Variants in SCAMP5 observed in about 807,000 individuals in gnomAD.
SCAMP5 encodes secretory carrier-associated membrane protein 5.
SCAMP5 carries 7 observed loss-of-function variants against 28.3 expected under a neutral mutation model. The ratio of observed to expected loss-of-function variants is 0.25; its 90% CI spans 0.14 to 0.46. SCAMP5 has a LOEUF of 0.46. Among genes scored for constraint, SCAMP5 ranks in the 20% least tolerant of loss-of-function variants. SCAMP5 has a pLI of 0.99. For missense variants in SCAMP5, 192 were observed against 312.5 expected (o/e 0.61, Z 2.91); for synonymous variants, 117 against 116.4 (o/e 1.00, Z -0.03).
In SCAMP5 at chr15:75,020,018, C is replaced by T; in HGVS notation, c.*1035C>T. 1 of 153,660 alleles carries T rather than the reference C, an allele frequency of 6.5e-6. No individual in the cohort carries two copies. Among genetic ancestry groups the T allele is most frequent in the Non-Finnish European group, 1.5e-5 (1 of 68,842 alleles). The allele number at this position is 153,660 out of a possible 1,614,324, so 9.5% of individuals were successfully genotyped here. A position where few individuals can be genotyped will look rare whatever the true frequency, so the allele number is the denominator to read the frequency against. On this transcript the variant is annotated 3_prime_UTR_variant, in exon 7 of 7. Coordinates refer to ENST00000425597, the MANE Select transcript of SCAMP5 (RefSeq NM_138967.4). ...GCTTGATTCTGCTACCCTGACCCCACCATGTGCCAGGTGGCATCTGCCTTA... is the reference window on the plus strand; with the variant it reads ...GCTTGATTCTGCTACCCTGACCCCATCATGTGCCAGGTGGCATCTGCCTTA...
At position 75,004,973 on chromosome 15, in the gene SCAMP5, G is replaced by C. The variant is rs192449138; in HGVS notation, c.-48-6819G>C. Among the ~76,000 whole-genome samples the C allele has an allele frequency of 6.6e-5, 10 of 152,178 alleles. No individual in the cohort carries two copies. In the East Asian group the frequency reaches 1.9e-3, roughly 30 times the overall value. On this transcript the variant is annotated intron_variant, in intron 1 of 6. Coordinates refer to ENST00000425597, the MANE Select transcript of SCAMP5 (RefSeq NM_138967.4). ...GGGCGGATCACGAAGTCAAGAGATG[G>C]AGACCATCCTGCCCAACATGGTGAA...
chr15:75,018,862 A>G lies in SCAMP5; in HGVS notation c.587A>G (p.Lys196Arg). 6.3e-7 allele frequency: 1 copy of G among 1,596,484 alleles called. No individual in the cohort carries two copies. Among genetic ancestry groups the G allele is most frequent in the Non-Finnish European group, 8.5e-7 (1 of 1,175,478 alleles). Residue 196 changes from lysine to arginine, a missense_variant, in exon 7 of 7, where the codon AAG becomes AGG. Lys to Arg is a conservative substitution (Grantham distance 26). Coordinates refer to ENST00000425597, the MANE Select transcript of SCAMP5 (RefSeq NM_138967.4). This position sits in a 1 kb window ranked among gnomAD's most constrained non-coding sequence, Gnocchi z 5.6. ...AQEEWTTGAW[K>R]NPHVQQAAQN... ...GAGGAGTGGACCACAGGGGCCTGGA[A>G]GAATCCACATGTGCAGCAGGCAGCC... is the stretch of plus-strand genomic sequence containing the variant.
chr15:75,018,791 T>C lies in SCAMP5; in HGVS notation c.516T>C (p.Val172=). The change falls in exon 7 of 7, where the codon GTT becomes GTC. Residue 172 remains valine, a splice_region_variant and synonymous_variant. Coordinates refer to ENST00000425597, the MANE Select transcript of SCAMP5 (RefSeq NM_138967.4). The surrounding 1 kb of genome is among the most constrained non-coding windows in gnomAD (Gnocchi z 5.6). ...TCTTTACGCTCTTTTTCCTACAGGT[T>C]CATAAATTTTACCGGGGAAGTGGGG... ...AVFSFIALSM[V]HKFYRGSGGS... is the part of the protein sequence containing the mutation. The C allele has an allele frequency of 3.7e-6, 6 of 1,605,982 alleles. No homozygotes were observed. Among genetic ancestry groups the C allele is most frequent in the Non-Finnish European group, 5.1e-6 (6 of 1,176,468 alleles).
At position 75,020,087 on chromosome 15, in the gene SCAMP5, T is replaced by G. The variant is rs2065893232; in HGVS notation, c.*1104T>G. 1 of 152,196 alleles carries G rather than the reference T, an allele frequency of 6.6e-6. No individual in the cohort carries two copies. The highest frequency in any genetic ancestry group is 2.4e-5 in the African/African-American group (1 of 41,340). 9.4% of individuals were successfully genotyped at this position (152,196 alleles called of 1,614,324 possible). Reference sequence around the variant, plus strand: ...TGGGACATGCTGGGCAGTTGTCAGATGTAAAGGCACAGCTGGAGCAGAGGG... The same window carrying G: ...TGGGACATGCTGGGCAGTTGTCAGAGGTAAAGGCACAGCTGGAGCAGAGGG... On this transcript the variant is annotated 3_prime_UTR_variant, in exon 7 of 7. Transcript: ENST00000425597.
intron 1 of SCAMP5, among the ~76,000 whole-genome samples, chr15:75,006,400 C>G (rs1184313929): frequency 1.3e-5 from 2 of 152,046 alleles, no homozygotes; most frequent in Non-Finnish European, 2.9e-5. Context: ...TACCTGTAAT[C>G]CCAGCACTTT....
chr15:75,018,478 A>C lies in SCAMP5; in HGVS notation c.456A>C (p.Leu152=), dbSNP rs760609440. 2 of 1,613,608 alleles carry C rather than the reference A, an allele frequency of 1.2e-6. No homozygotes were observed. Among genetic ancestry groups the C allele is most frequent in the Admixed American group, 3.3e-5 (2 of 59,994 alleles). Residue 152 remains leucine, a synonymous_variant, in exon 6 of 7, where the codon CTA becomes CTC. Transcript: ENST00000425597. This position sits in a 1 kb window ranked among gnomAD's most constrained non-coding sequence, Gnocchi z 5.6. ...ACATTGGCTCGGCGGTGGTGATGCTAATTCCCACTGTCATGTTCACAGTGA... is the reference window on the plus strand; with the variant it reads ...ACATTGGCTCGGCGGTGGTGATGCTCATTCCCACTGTCATGTTCACAGTGA... The part of the protein sequence containing the change: ...GTNIGSAVVM[L]IPTVMFTVMA...
chr15:75,018,842 G>A lies in SCAMP5; in HGVS notation c.567G>A (p.Glu189=), dbSNP rs2065881679. Residue 189 remains glutamate, a synonymous_variant, in exon 7 of 7, where the codon GAG becomes GAA. Coordinates refer to ENST00000425597, the MANE Select transcript of SCAMP5 (RefSeq NM_138967.4). This position sits in a 1 kb window ranked among gnomAD's most constrained non-coding sequence, Gnocchi z 5.6. ...GGAGTTTCAGCAAAGCTCAGGAGGA[G>A]TGGACCACAGGGGCCTGGAAGAATC... ...SGGSFSKAQE[E]WTTGAWKNPH... The A allele has an allele frequency of 2.5e-6, 4 of 1,602,030 alleles. No homozygotes were observed. The highest frequency in any genetic ancestry group is 2.2e-5 in the East Asian group (1 of 44,858).
At chr15:74,997,131 G>A (rs1024951551) in intron 1 of SCAMP5, 3 of 152,236 alleles carry the variant, frequency 2.0e-5, no homozygotes, top group Non-Finnish European at 2.9e-5. Context: ...GATGCTCCTT[G>A]TTCTAGTTTA....
intron 2 of SCAMP5, among the ~76,000 whole-genome samples, chr15:75,012,063 G>A (rs2065816689): frequency 6.6e-6 from 1 of 152,186 alleles, no homozygotes; most frequent in African/African-American, 2.4e-5. Context: ...TATGGACCAG[G>A]AATTGAGCAC....
intron 4 of SCAMP5, 80 bp from the exon 5 acceptor site, chr15:75,017,790 T>C (rs1281874442): frequency 1.1e-6 from 1 of 891,878 alleles, no homozygotes; most frequent in Admixed American, 1.7e-5. Context: ...GCACTTAAAC[T>C]TGGAAGGGCT....
chr15:75,008,703 T>C (rs2065784088), intron 1 of SCAMP5, among the ~76,000 whole-genome samples: 1 of 152,270 alleles, frequency 6.6e-6, no homozygotes, highest in Middle Eastern at 3.4e-3. Context: ...GGTTTCACCA[T>C]GTTGGCCAGG....
intron 1 of SCAMP5, among the ~76,000 whole-genome samples, chr15:75,006,730 A>T (rs1177846330): frequency 6.6e-6 from 1 of 150,790 alleles, no homozygotes. Context: ...AGCCGAGATC[A>T]CGCCGCTGCA....
At chr15:75,010,898 T>A (rs1265858850) in intron 1 of SCAMP5, among the ~76,000 whole-genome samples, 1 of 152,206 alleles carries the variant, frequency 6.6e-6, no homozygotes, top group Non-Finnish European at 1.5e-5. Flanking sequence ...AGGTTTTTAC[T>A]ACCACTTGTA....
At position 75,018,390 on chromosome 15, in the gene SCAMP5, G is replaced by T; in HGVS notation, c.396-28G>T. ...CTCCTGGGCACCTCTTATCCTGCCC[G>T]CAGCCCCACACTGGCCTCTTCCTGC... On this transcript the variant is annotated intron_variant, in intron 5 of 6. Transcript: ENST00000425597. The surrounding 1 kb of genome is among the most constrained non-coding windows in gnomAD (Gnocchi z 5.6). The T allele has an allele frequency of 2.7e-6, 4 of 1,467,798 alleles. No individual in the cohort carries two copies. The highest frequency in any genetic ancestry group is 3.8e-6 in the Non-Finnish European group (4 of 1,046,888). The allele number at this position is 1,467,798 out of a possible 1,614,324, so 90.9% of individuals were successfully genotyped here. A position where few individuals can be genotyped will look rare whatever the true frequency, so the allele number is the denominator to read the frequency against.
intron 1 of SCAMP5, among the ~76,000 whole-genome samples, chr15:74,999,585 C>T (rs1399542315): frequency 6.6e-6 from 1 of 151,654 alleles, no homozygotes. Flanking sequence ...CAGAGCGAGA[C>T]TCCATCTCAA....
intron 3 of SCAMP5, 93 bp downstream of exon 3, chr15:75,012,898 G>A (rs1017375016): frequency 2.8e-5 from 35 of 1,266,994 alleles, no homozygotes; most frequent in Non-Finnish European, 3.9e-5. Flanking sequence ...CCACAGGCCT[G>A]ACTGTCCTTC....
chr15:75,000,823 G>C (rs2065699134), intron 1 of SCAMP5, among the ~76,000 whole-genome samples: 1 of 150,358 alleles, frequency 6.7e-6, no homozygotes, highest in South Asian at 2.1e-4. Context: ...ACTCCATTTT[G>C]CCTTTCCTTT....
At chr15:75,014,484 C>T (rs556502153) in intron 3 of SCAMP5, among the ~76,000 whole-genome samples, 4 of 152,306 alleles carry the variant, frequency 2.6e-5, no homozygotes, top group East Asian at 3.9e-4. Flanking sequence ...GAAACCCGGC[C>T]CCTAAGATTT....
Position 75,018,956 on chromosome 15 carries a change from C to T in SCAMP5, c.681C>T (p.Pro227=), listed in dbSNP as rs768549233. 1 of 1,533,644 alleles carries T rather than the reference C, an allele frequency of 6.5e-7. No individual in the cohort carries two copies. The highest frequency in any genetic ancestry group is 8.7e-7 in the Non-Finnish European group (1 of 1,148,918). ...CTCAGACTCAGTATTCCGCCACCCC[C>T]AATTACACGTACTCCAATGAGATGT... ...NQPQTQYSAT[P]NYTYSNEM The change falls in exon 7 of 7, where the codon CCC becomes CCT. Residue 227 remains proline (P), a synonymous_variant. Coordinates refer to ENST00000425597, the MANE Select transcript of SCAMP5 (RefSeq NM_138967.4). This position sits in a 1 kb window ranked among gnomAD's most constrained non-coding sequence, Gnocchi z 5.6.
Sources: gnomAD v4.1 joint callset for allele counts (sites outside exome capture counted in the v4.1 genomes callset) on GRCh38, gnomAD v4.1.1 for gene constraint, Gnocchi (gnomAD v3.1) non-coding constraint, MANE v1.5 for transcripts, NCBI Gene and HGNC (gene_info 2026-07-23, HGNC 2026-07-21) for gene names.